FCHSD2: variants seen among roughly 807,000 people sequenced by gnomAD.
FCHSD2 encodes FCH and double SH3 domains 2, also known as F-BAR and double SH3 domains protein 2.
A neutral mutation model predicts 108.1 loss-of-function variants in FCHSD2; 38 were observed. The ratio of observed to expected loss-of-function variants is 0.35; its 90% CI spans 0.27 to 0.46. FCHSD2 has a LOEUF of 0.46. Ranked by LOEUF, FCHSD2 falls within the 20% of genes least tolerant of loss-of-function variation. The pLI, the probability that FCHSD2 is intolerant of heterozygous loss-of-function variation, is 1.00. For missense variants in FCHSD2, 751 were observed against 897.8 expected (o/e 0.84, Z 2.09); for synonymous variants, 279 against 314.7 (o/e 0.89, Z 1.20).
intron 8 of FCHSD2, among the ~76,000 whole-genome samples, chr11:72,950,796 G>A (rs1051726355): frequency 1.3e-5 from 2 of 152,152 alleles, no homozygotes; most frequent in African/African-American, 4.8e-5. Flanking sequence ...GGTAGTAGTT[G>A]CGGTGGAAAC....
intron 2 of FCHSD2, among the ~76,000 whole-genome samples, chr11:73,100,930 C>G (rs112402361): frequency 1.3e-5 from 2 of 151,970 alleles, no homozygotes; most frequent in East Asian, 3.9e-4. Context: ...GTCTGACAAC[C>G]CTTTTCTCAG....
intron 3 of FCHSD2, among the ~76,000 whole-genome samples, chr11:73,080,384 T>TA (rs1348713587): frequency 2.0e-5 from 3 of 151,792 alleles, no homozygotes; most frequent in Non-Finnish European, 4.4e-5. Context: ...CTGTAAAATG[T>TA]AATTCCACTG....
intron 5 of FCHSD2, among the ~76,000 whole-genome samples, chr11:72,996,288 A>C (rs1857517870): frequency 6.6e-6 from 1 of 152,186 alleles, no homozygotes; most frequent in African/African-American, 2.4e-5. Flanking sequence ...TAAAATAATA[A>C]TACTTAAATA....
intron 14 of FCHSD2, among the ~76,000 whole-genome samples, chr11:72,846,114 G>A (rs1188497458): frequency 6.6e-6 from 1 of 151,196 alleles, no homozygotes; most frequent in Non-Finnish European, 1.5e-5. Flanking sequence ...GATTACTTTT[G>A]ACTTGAGACT....
At chr11:73,009,476 G>A (rs1021106742) in intron 4 of FCHSD2, among the ~76,000 whole-genome samples, 3 of 152,268 alleles carry the variant, frequency 2.0e-5, no homozygotes, top group Middle Eastern at 3.4e-3. Flanking sequence ...CAGCCTGGGT[G>A]ATGGAGTGAG....
At chr11:73,037,198 G>T (rs1858518578) in intron 3 of FCHSD2, among the ~76,000 whole-genome samples, 1 of 152,014 alleles carries the variant, frequency 6.6e-6, no homozygotes, top group Admixed American at 6.6e-5. Flanking sequence ...TGTATCACTT[G>T]CCCCCACACA....
chr11:72,977,755 C>A (rs1213233707), intron 8 of FCHSD2, among the ~76,000 whole-genome samples: 2 of 152,136 alleles, frequency 1.3e-5, no homozygotes, highest in African/African-American at 4.8e-5. Context: ...ACCATTGGGG[C>A]GATTCCTCAA....
Position 72,984,759 on chromosome 11 carries a change from T to C in FCHSD2, c.576+303A>G, listed in dbSNP as rs372941463. On this transcript the variant is annotated intron_variant, in intron 7 of 19. Coordinates refer to ENST00000409418, the MANE Select transcript of FCHSD2 (RefSeq NM_014824.3). ...CTAAATCTAAACGAAATAGATTTTG[T>C]AGAGCTTTCCAAAGCCCCCGGATTA... Among the ~76,000 whole-genome samples, 14 of 152,360 alleles carry C rather than the reference T, an allele frequency of 9.2e-5. No individual in the cohort carries two copies. The East Asian group carries it at 1.3e-3, about 15-fold the overall frequency.
intron 2 of FCHSD2, among the ~76,000 whole-genome samples, chr11:73,120,726 T>C (rs1354538344): frequency 4.0e-5 from 6 of 149,862 alleles, no homozygotes. Flanking sequence ...CAAAATTGTG[T>C]CTAAAAAAAT....
chr11:72,893,122 C>T (rs1010945997), intron 10 of FCHSD2, among the ~76,000 whole-genome samples: 8 of 152,026 alleles, frequency 5.3e-5, no homozygotes, highest in South Asian at 2.1e-4. Flanking sequence ...CCTCAGCCTC[C>T]GGAGTAACTG....
intron 2 of FCHSD2, among the ~76,000 whole-genome samples, chr11:73,108,951 CG>C (rs990877000): frequency 1.3e-5 from 2 of 152,200 alleles, no homozygotes; most frequent in African/African-American, 4.8e-5. Flanking sequence ...CTTCTGCATA[CG>C]GATATTCAGT....
intron 8 of FCHSD2, among the ~76,000 whole-genome samples, chr11:72,945,461 G>A (rs1016233936): frequency 6.6e-6 from 1 of 152,132 alleles, no homozygotes; most frequent in Non-Finnish European, 1.5e-5. Context: ...ATAAAAGCTA[G>A]GCAATACCAT....
chr11:73,123,010 G>C (rs1226187987), intron 2 of FCHSD2, among the ~76,000 whole-genome samples: 1 of 151,850 alleles, frequency 6.6e-6, no homozygotes, highest in Non-Finnish European at 1.5e-5. Flanking sequence ...ATCCTTCCTT[G>C]TCCCATCAAA....
At chr11:73,129,962 T>C (rs978137923) in intron 2 of FCHSD2, among the ~76,000 whole-genome samples, 1 of 148,194 alleles carries the variant, frequency 6.7e-6, no homozygotes, top group Middle Eastern at 3.2e-3. Flanking sequence ...CACTGCAAGC[T>C]CTGCCTCCCG....
intron 2 of FCHSD2, among the ~76,000 whole-genome samples, chr11:73,090,286 C>A (rs1311311595): frequency 7.8e-6 from 1 of 128,722 alleles, no homozygotes; most frequent in Admixed American, 9.8e-5. Flanking sequence ...AGTGCAGTGG[C>A]GGGATCTCGG....
At position 73,106,034 on chromosome 11, in the gene FCHSD2, G is replaced by GGGATTTT. The variant is rs1438455279; in HGVS notation, c.120-22295_120-22294insAAAATCC. Reference sequence around the variant, plus strand: ...AATTATTCAGAATCATAAAATCAGAGAACTGGGATGAACTTTAGAAATTAT... The same window carrying GGGATTTT: ...AATTATTCAGAATCATAAAATCAGAGGGATTTTAACTGGGATGAACTTTAGAAATTAT... On this transcript the variant is annotated intron_variant, in intron 2 of 19. Transcript: ENST00000409418. Among the ~76,000 whole-genome samples, 16 of 152,286 alleles carry GGGATTTT rather than the reference G, an allele frequency of 1.1e-4. No individual in the cohort carries two copies. The East Asian group carries it at 2.9e-3, about 28-fold the overall frequency.
intron 2 of FCHSD2, among the ~76,000 whole-genome samples, chr11:73,137,226 C>G (rs1861139756): frequency 6.6e-6 from 1 of 151,520 alleles, no homozygotes; most frequent in African/African-American, 2.4e-5. Context: ...GAAACCTAAA[C>G]TCTTGTTTTA....
intron 9 of FCHSD2, among the ~76,000 whole-genome samples, chr11:72,915,244 C>A (rs994476183): frequency 1.3e-5 from 2 of 151,842 alleles, no homozygotes; most frequent in African/African-American, 4.8e-5. Flanking sequence ...ATTAAAAAAA[C>A]AACGGATGCT....
chr11:72,911,345 T>G (rs1855761157), intron 9 of FCHSD2, among the ~76,000 whole-genome samples: 1 of 152,132 alleles, frequency 6.6e-6, no homozygotes, highest in Non-Finnish European at 1.5e-5. Context: ...CCACTGGTAT[T>G]TGTTTTTATG....
Sources: gnomAD v4.1 joint callset for allele counts (sites outside exome capture counted in the v4.1 genomes callset) on GRCh38, gnomAD v4.1.1 for gene constraint, MANE v1.5 for transcripts, NCBI Gene and HGNC (gene_info 2026-07-23, HGNC 2026-07-21) for gene names.